FAAH2: variants seen among roughly 807,000 people sequenced by gnomAD.
The protein encoded by FAAH2 is fatty-acid amide hydrolase 2.
Under a neutral mutation model 36.9 loss-of-function variants are expected in FAAH2, and 60 were observed. The observed-to-expected ratio is 1.63, with a 90% CI of 1.32 to 2.02. The LOEUF is 2.02. FAAH2 is among the 30% of genes most tolerant of loss of function. The probability of loss-of-function intolerance (pLI) is 0.00; values close to 1 mark genes in which losing one functional copy is unlikely to be tolerated. For synonymous variants in FAAH2, 214 were observed against 143.8 expected (o/e 1.49, Z -3.49); for missense variants, 689 against 397.5 (o/e 1.73, Z -6.23).
At chrX:57,346,688 T>G (rs192753456) in intron 5 of FAAH2, among the ~76,000 whole-genome samples, 174 of 111,801 alleles carry the variant, frequency 1.6e-3, no homozygotes, top group South Asian at 3.0e-3. Context: ...CTGTGGGCTA[T>G]TTGCTTGAAT....
intron 7 of FAAH2, among the ~76,000 whole-genome samples, chrX:57,425,407 G>A (rs2056136320): frequency 9.0e-6 from 1 of 111,137 alleles, no homozygotes; most frequent in African/African-American, 3.3e-5. Context: ...TACTTACCAT[G>A]GCATATAATA....
chrX:57,358,311 T>C (rs1438709814), intron 5 of FAAH2, among the ~76,000 whole-genome samples: 1 of 111,195 alleles, frequency 9.0e-6, no homozygotes, highest in East Asian at 2.8e-4. Context: ...TTATTCATCT[T>C]GCATAACCAA....
At chrX:57,348,541 C>T (rs951073855) in intron 5 of FAAH2, among the ~76,000 whole-genome samples, 9 of 111,042 alleles carry the variant, frequency 8.1e-5, no homozygotes, top group African/African-American at 1.3e-4. Flanking sequence ...CCCCTTGGCA[C>T]GAGGATGGAT....
chrX:57,399,320 C>A (rs961137859), intron 7 of FAAH2, among the ~76,000 whole-genome samples: 2 of 111,797 alleles, frequency 1.8e-5, no homozygotes, highest in Non-Finnish European at 3.8e-5. Context: ...ATTTGGCCAT[C>A]TGATGGGTGC....
the FAAH2 span, among the ~76,000 whole-genome samples, chrX:57,198,667 C>T: frequency 8.9e-6 from 1 of 112,476 alleles, no homozygotes; most frequent in African/African-American, 3.2e-5. Context: ...AGGTTTTCTT[C>T]TCCATGTGTT....
intron 3 of FAAH2, among the ~76,000 whole-genome samples, chrX:57,327,733 C>T (rs1456292106): frequency 9.0e-6 from 1 of 110,983 alleles, no homozygotes; most frequent in African/African-American, 3.3e-5. Context: ...TGTAGTTAGC[C>T]ATTCATCTAA....
intron 7 of FAAH2, among the ~76,000 whole-genome samples, chrX:57,423,347 G>A (rs762499094): frequency 8.9e-6 from 1 of 111,758 alleles, no homozygotes; most frequent in Admixed American, 9.5e-5. Context: ...TGAGCTGCAG[G>A]TGCAGAAATT....
chrX:57,157,743 G>A, the FAAH2 span, among the ~76,000 whole-genome samples: 1 of 111,878 alleles, frequency 8.9e-6, no homozygotes, highest in African/African-American at 3.2e-5. Flanking sequence ...GTTTATTTTG[G>A]TGTTCCGCAG....
At chrX:57,251,614 A>C in the FAAH2 span, among the ~76,000 whole-genome samples, 69 of 112,000 alleles carry the variant, frequency 6.2e-4, no homozygotes, top group African/African-American at 2.1e-3. Context: ...ACCCCACCAA[A>C]AACTGTTAAA....
At chrX:57,187,171 A>G in the FAAH2 span, among the ~76,000 whole-genome samples, 2 of 111,662 alleles carry the variant, frequency 1.8e-5, no homozygotes, top group African/African-American at 6.5e-5. Context: ...GGTTATTTTC[A>G]CAATATTGAT....
the FAAH2 span, chrX:57,127,010 T>G: frequency 9.0e-6 from 1 of 111,439 alleles, no homozygotes; most frequent in Non-Finnish European, 1.9e-5. Flanking sequence ...ATCGTTTAGC[T>G]GCTGATCATA....
At chrX:57,214,369 T>C in the FAAH2 span, among the ~76,000 whole-genome samples, 1 of 112,256 alleles carries the variant, frequency 8.9e-6, no homozygotes, top group South Asian at 3.7e-4. Context: ...ATTTACTAGT[T>C]CTCTATTCTG....
At chrX:57,388,470 T>G (rs1480262735) in intron 7 of FAAH2, among the ~76,000 whole-genome samples, 1 of 111,598 alleles carries the variant, frequency 9.0e-6, no homozygotes, top group East Asian at 2.8e-4. Context: ...CTGTTGGATT[T>G]TTTTATTAGC....
chrX:57,169,848 A>G, the FAAH2 span, among the ~76,000 whole-genome samples: 2 of 104,669 alleles, frequency 1.9e-5, no homozygotes, highest in Non-Finnish European at 3.9e-5. Flanking sequence ...TAACATTAGC[A>G]TCTCTCTCTC....
intron 3 of FAAH2, among the ~76,000 whole-genome samples, chrX:57,331,340 C>T (rs1045622023): frequency 9.0e-6 from 1 of 111,074 alleles, no homozygotes; most frequent in Non-Finnish European, 1.9e-5. Context: ...GAGCAAGGAG[C>T]AAGTCCCAGT....
the FAAH2 span, among the ~76,000 whole-genome samples, chrX:57,168,294 A>C: frequency 9.1e-6 from 1 of 110,366 alleles, no homozygotes; most frequent in Non-Finnish European, 1.9e-5. Flanking sequence ...TGTGTTAGAA[A>C]CAAAATTTGG....
intron 10 of FAAH2, among the ~76,000 whole-genome samples, chrX:57,454,085 G>A (rs761513376): frequency 1.9e-5 from 2 of 106,913 alleles, no homozygotes; most frequent in East Asian, 3.1e-4. Context: ...CACCACAGAG[G>A]ACTACTGTCA....
chrX:57,394,442 G>A lies in FAAH2; in HGVS notation c.996+13413G>A, dbSNP rs2055243130. Reference sequence around the variant, plus strand: ...TTCAGACAGCAGACCAATTACTCAAGCCAGCTTACCAATGGGCTTCGGTTT... The same window carrying A: ...TTCAGACAGCAGACCAATTACTCAAACCAGCTTACCAATGGGCTTCGGTTT... On this transcript the variant is annotated intron_variant, in intron 7 of 10. Coordinates refer to ENST00000374900, the MANE Select transcript of FAAH2 (RefSeq NM_174912.4). 14 of 1,197,479 alleles carry A rather than the reference G, an allele frequency of 1.2e-5. No individual in the cohort carries two copies. The South Asian group carries it at 2.5e-4, about 21-fold the overall frequency.
chrX:57,404,593 G>A (rs1223825348), intron 7 of FAAH2, among the ~76,000 whole-genome samples: 2 of 111,642 alleles, frequency 1.8e-5, no homozygotes, highest in Admixed American at 9.5e-5. Flanking sequence ...CCAGCGACAA[G>A]ACTCCCTGGG....
Sources: gnomAD v4.1 joint callset for allele counts (sites outside exome capture counted in the v4.1 genomes callset) on GRCh38, gnomAD v4.1.1 for gene constraint, MANE v1.5 for transcripts, NCBI Gene and HGNC (gene_info 2026-07-23, HGNC 2026-07-21) for gene names.